CEP128: variants seen among roughly 807,000 people sequenced by gnomAD.
CEP128 encodes centrosomal protein 128.
In CEP128, 132 loss-of-function variants were observed where a neutral mutation model predicts 156.7. The ratio of observed to expected loss-of-function variants is 0.84; its 90% CI spans 0.73 to 0.97. CEP128 has a LOEUF of 0.97. Ranked by LOEUF, CEP128 falls within the 50% of genes least tolerant of loss-of-function variation. The pLI is 0.00. For synonymous variants in CEP128, 469 were observed against 448.9 expected (o/e 1.04, Z -0.57); for missense variants, 1,252 against 1,281.9 (o/e 0.98, Z 0.36).
chr14:80,692,524 T>C (rs1476070964), intron 19 of CEP128, among the ~76,000 whole-genome samples: 2 of 152,114 alleles, frequency 1.3e-5, no homozygotes, highest in Admixed American at 6.6e-5. Flanking sequence ...GTGGTAAACA[T>C]TGAATGTGGG....
At chr14:80,908,120 T>G (rs1389790165) in intron 4 of CEP128, among the ~76,000 whole-genome samples, 2 of 152,224 alleles carry the variant, frequency 1.3e-5, no homozygotes, top group East Asian at 3.8e-4. Flanking sequence ...AGATTTTCTC[T>G]TTACTTTTGT....
chr14:80,849,348 A>C (rs1350969248), intron 9 of CEP128, among the ~76,000 whole-genome samples: 1 of 152,194 alleles, frequency 6.6e-6, no homozygotes, highest in East Asian at 1.9e-4. Context: ...CAGAGACCCA[A>C]GTTCGCCCAC....
chr14:80,725,185 T>A (rs533891569), intron 19 of CEP128, among the ~76,000 whole-genome samples: 1 of 125,392 alleles, frequency 8.0e-6, no homozygotes, highest in Admixed American at 7.7e-5. Flanking sequence ...TTTTCCCAAT[T>A]TTTTTTTTTT....
intron 19 of CEP128, among the ~76,000 whole-genome samples, chr14:80,716,377 T>C (rs1897606121): frequency 6.6e-6 from 1 of 152,202 alleles, no homozygotes; most frequent in Non-Finnish European, 1.5e-5. Context: ...ACTCTCGTAG[T>C]CATGCAGTTA....
chr14:80,701,027 C>G (rs1042111238), intron 19 of CEP128, among the ~76,000 whole-genome samples: 10 of 152,120 alleles, frequency 6.6e-5, no homozygotes, highest in African/African-American at 2.4e-4. Flanking sequence ...CTTCTCTGTG[C>G]TCTGCGTGGA....
At chr14:80,726,167 T>C (rs578131801) in intron 19 of CEP128, among the ~76,000 whole-genome samples, 5 of 152,354 alleles carry the variant, frequency 3.3e-5, no homozygotes, top group South Asian at 2.1e-4. Context: ...ATGATGTGTC[T>C]GATTTAGCCA....
chr14:80,589,221 T>C (rs1891944361), intron 19 of CEP128, among the ~76,000 whole-genome samples: 2 of 152,080 alleles, frequency 1.3e-5, no homozygotes, highest in East Asian at 1.9e-4. Context: ...AGCTGACATC[T>C]TGATTTTAGC....
intron 19 of CEP128, among the ~76,000 whole-genome samples, chr14:80,618,568 G>A (rs1366690249): frequency 6.6e-6 from 1 of 152,212 alleles, no homozygotes; most frequent in Non-Finnish European, 1.5e-5. Flanking sequence ...AGTTATTGCT[G>A]CAGTAGACTA....
intron 19 of CEP128, among the ~76,000 whole-genome samples, chr14:80,590,617 A>G (rs1374588992): frequency 6.6e-6 from 1 of 152,166 alleles, no homozygotes. Flanking sequence ...CTCTAAAAAG[A>G]AAGGACATAA....
At chr14:80,515,640 T>C (rs1012020865) in intron 23 of CEP128, among the ~76,000 whole-genome samples, 26 of 152,146 alleles carry the variant, frequency 1.7e-4, no homozygotes, top group African/African-American at 6.3e-4. Flanking sequence ...CTAGGACTGG[T>C]CCAGAAATGT....
At chr14:80,809,192 A>T (rs564968060) in intron 13 of CEP128, among the ~76,000 whole-genome samples, 3 of 152,222 alleles carry the variant, frequency 2.0e-5, no homozygotes, top group African/African-American at 7.2e-5. Flanking sequence ...GAACCAGACA[A>T]GAATTCTGGA....
At chr14:80,659,940 C>G (rs1895328882) in intron 19 of CEP128, among the ~76,000 whole-genome samples, 1 of 152,112 alleles carries the variant, frequency 6.6e-6, no homozygotes, top group Non-Finnish European at 1.5e-5. Flanking sequence ...GAAGTACAAC[C>G]CTAGACTTTC....
chr14:80,630,622 C>T (rs1032952301), intron 19 of CEP128, among the ~76,000 whole-genome samples: 1 of 151,952 alleles, frequency 6.6e-6, no homozygotes, highest in Admixed American at 6.6e-5. Context: ...TACATTATTC[C>T]TTCTGAATTG....
intron 19 of CEP128, among the ~76,000 whole-genome samples, chr14:80,702,325 C>A (rs1190181249): frequency 6.6e-6 from 1 of 152,072 alleles, no homozygotes; most frequent in African/African-American, 2.4e-5. Flanking sequence ...TTGTTATAGA[C>A]CAAATTAAAG....
chr14:80,831,154 A>G lies in CEP128; in HGVS notation c.1198T>C (p.Ser400Pro), dbSNP rs756236193. 3 of 1,613,838 alleles carry G rather than the reference A, an allele frequency of 1.9e-6. No homozygotes were observed. Among genetic ancestry groups the G allele is most frequent in the Non-Finnish European group, 2.5e-6 (3 of 1,179,860 alleles). Residue 400 changes from serine to proline, a missense_variant, in exon 13 of 25, where the codon TCA (serine) becomes CCA (proline). Transcript: ENST00000555265. The stretch of plus-strand genomic sequence containing the variant: ...AAGAGCAAAGTCACCTCTACTTGTG[A>G]TGCCAAATGTGCTTTCTCCTTGTCT... ...RKDKEKAHLA[S>P]QVENLTRELE...
At chr14:80,489,781 T>C (rs1026722744), downstream of CEP128, among the ~76,000 whole-genome samples, 1 of 151,956 alleles carries the variant, frequency 6.6e-6, no homozygotes, top group Non-Finnish European at 1.5e-5. Flanking sequence ...ACATCTCCAG[T>C]GGAAGTGGAA....
At chr14:80,625,057 C>A (rs1893651974) in intron 19 of CEP128, among the ~76,000 whole-genome samples, 1 of 152,068 alleles carries the variant, frequency 6.6e-6, no homozygotes, top group African/African-American at 2.4e-5. Context: ...TAGTTTCAGG[C>A]CTTATGTTAA....
intron 17 of CEP128, among the ~76,000 whole-genome samples, chr14:80,757,749 C>T (rs919991301): frequency 6.6e-6 from 1 of 152,216 alleles, no homozygotes; most frequent in Non-Finnish European, 1.5e-5. Context: ...CAAATACCTC[C>T]ATACCTCCTG....
At chr14:80,495,376 C>T (rs937762365), downstream of CEP128, among the ~76,000 whole-genome samples, 25 of 152,120 alleles carry the variant, frequency 1.6e-4, no homozygotes, top group African/African-American at 4.6e-4. Context: ...GGATTTAATT[C>T]TATATAAACA....
Sources: allele counts gnomAD v4.1 joint callset (sites outside exome capture counted in the v4.1 genomes callset), GRCh38; gene constraint gnomAD v4.1.1; transcripts MANE v1.5; gene names NCBI Gene and HGNC (gene_info 2026-07-23, HGNC 2026-07-21).